Variants in KRAS observed in about 807,000 individuals in gnomAD.
KRAS encodes KRas proto-oncogene, GTPase, also known as GTPase KRas.
Under a neutral mutation model 21.0 loss-of-function variants are expected in KRAS, and 1 was observed. The observed-to-expected ratio is 0.05, with a 90% CI of 0.02 to 0.23. The LOEUF is 0.23. KRAS is among the 10% of genes least tolerant of loss of function. The pLI is 1.00. For synonymous variants in KRAS, 67 were observed against 72.5 expected, an observed-to-expected ratio of 0.92 and a Z score of 0.39; for missense variants, 107 against 221.8, an observed-to-expected ratio of 0.48 and a Z score of 3.29.
chr12:25,248,292 A>G (rs968964768), intron 1 of KRAS, among the ~76,000 whole-genome samples: 4 of 152,114 alleles, frequency 2.6e-5, no homozygotes, highest in Admixed American at 6.5e-5. Flanking sequence ...GAAATCCCGT[A>G]TCTAAAAATA....
intron 2 of KRAS, among the ~76,000 whole-genome samples, chr12:25,229,526 G>A (rs1022222074): frequency 6.6e-6 from 1 of 152,174 alleles, no homozygotes. Flanking sequence ...AAAGAAGGGA[G>A]TGGGTAACTT....
chr12:25,214,297 A>C (rs1951230315), intron 4 of KRAS, among the ~76,000 whole-genome samples: 1 of 152,224 alleles, frequency 6.6e-6, no homozygotes, highest in African/African-American at 2.4e-5. Context: ...TTTAGATATA[A>C]GACCAAAAAA....
chr12:25,225,682 T>G lies in KRAS; in HGVS notation c.382A>C (p.Lys128Gln). The G allele has an allele frequency of 1.2e-6, 2 of 1,613,406 alleles. No homozygotes were observed. Among genetic ancestry groups the G allele is most frequent in the Non-Finnish European group, 1.7e-6 (2 of 1,179,566 alleles). Residue 128 changes from lysine to glutamine, a missense_variant, in exon 4 of 5, where the codon AAA (lysine) becomes CAA (glutamine). Around this residue, in one of 2 missense-constraint regions of KRAS, gnomAD observed 65 missense variants for 82.3 expected, o/e 0.79. Transcript: ENST00000311936. ...CTTCTTGCTAAGTCCTGAGCCTGTT[T>G]TGTGTCTACTGTTCTAGAAGGCAAA... ...CDLPSRTVDT[K>Q]QAQDLARSYG... is the part of the protein sequence containing the mutation.
At chr12:25,234,233 C>T (rs1951515082) in intron 2 of KRAS, 1 of 173,946 alleles carries the variant, frequency 5.7e-6, no homozygotes, top group African/African-American at 2.4e-5. Context: ...AAACAATACA[C>T]ACAGAGATTT....
chr12:25,215,598 A>G, intron 4 of KRAS: 2 of 1,542,072 alleles, frequency 1.3e-6, no homozygotes, highest in Non-Finnish European at 1.8e-6. Context: ...AGTCTGTTGC[A>G]TTGGTAAGAG....
intron 2 of KRAS, 130 bp from the exon 3 acceptor site, chr12:25,227,542 G>C (rs1211143071): frequency 1.3e-6 from 1 of 753,956 alleles, no homozygotes; most frequent in Admixed American, 2.3e-5. Flanking sequence ...CATTGTTCCT[G>C]CTCCAAAGAT....
chr12:25,225,830 A>G (rs2141506771), intron 3 of KRAS, 57 bp from the exon 4 acceptor site: 1 of 1,509,566 alleles, frequency 6.6e-7, no homozygotes, highest in South Asian at 1.1e-5. Context: ...ATCTTTCAAA[A>G]CCTGTCCACA....
chr12:25,206,162 C>T lies in KRAS; in HGVS notation c.*3633G>A, dbSNP rs1252748856. 1 of 215,878 alleles carries T rather than the reference C, an allele frequency of 4.6e-6. No individual in the cohort carries two copies. The highest frequency in any genetic ancestry group is 5.8e-5 in the Admixed American group (1 of 17,164). 13.4% of individuals were successfully genotyped at this position (215,878 alleles called of 1,614,324 possible). A position where few individuals can be genotyped will look rare whatever the true frequency, so the allele number is the denominator to read the frequency against. On this transcript the variant is annotated 3_prime_UTR_variant, in exon 5 of 5. Coordinates refer to ENST00000311936, the MANE Select transcript of KRAS (RefSeq NM_004985.5). ...TGAGATGAACTTGTGCAAACTGTAA[C>T]TTAACATGCCCCACAAAGTTTCTAT...
At chr12:25,236,074 C>G (rs1951541918) in intron 2 of KRAS, among the ~76,000 whole-genome samples, 1 of 151,984 alleles carries the variant, frequency 6.6e-6, no homozygotes, top group Admixed American at 6.6e-5. Flanking sequence ...AGTCCGCAGT[C>G]CAGGGTTTGG....
Position 25,205,496 on chromosome 12 carries a change from G to A in KRAS, c.*4299C>T, listed in dbSNP as rs1429294720. 1 of 216,190 alleles carries A rather than the reference G, an allele frequency of 4.6e-6. No homozygotes were observed. Among genetic ancestry groups the A allele is most frequent in the Non-Finnish European group, 9.3e-6 (1 of 107,154 alleles). The allele number at this position is 216,190 out of a possible 1,614,324, so 13.4% of individuals were successfully genotyped here. On this transcript the variant is annotated 3_prime_UTR_variant, in exon 5 of 5. Coordinates refer to ENST00000311936, the MANE Select transcript of KRAS (RefSeq NM_004985.5). ...AAAGAAAGCACAATGTACAAAATGT[G>A]CATGTTTCAGTTTACACTATACAAA...
chr12:25,239,129 G>A lies in KRAS; in HGVS notation c.111+6145C>T, dbSNP rs138630744. On this transcript the variant is annotated intron_variant, in intron 2 of 4. Transcript: ENST00000311936. Reference sequence around the variant, plus strand: ...TTTGAACTTGCATCACATTCATGAAGTAAGTGTCTTTTTATATGTTCATGT... The same window carrying A: ...TTTGAACTTGCATCACATTCATGAAATAAGTGTCTTTTTATATGTTCATGT... Among the ~76,000 whole-genome samples, 425 of 152,254 alleles carry A rather than the reference G, an allele frequency of 2.8e-3. 5 individuals are homozygous for A. Among genetic ancestry groups the A allele is most frequent in the South Asian group, 0.01 (50 of 4,806 alleles).
intron 2 of KRAS, among the ~76,000 whole-genome samples, chr12:25,230,774 T>C (rs1003358400): frequency 6.7e-6 from 1 of 148,192 alleles, no homozygotes; most frequent in African/African-American, 2.4e-5. Context: ...CATATGGTAT[T>C]TTCCAAACCA....
chr12:25,221,760 T>TA (rs765167259), intron 4 of KRAS, among the ~76,000 whole-genome samples: 18 of 152,166 alleles, frequency 1.2e-4, no homozygotes, highest in Non-Finnish European at 2.6e-4. Context: ...TTTGGGTGTT[T>TA]ACGTGTTTTA....
rs144787938 is a variant in KRAS at position 25,210,094 on chromosome 12, T to C, written c.451-183A>G. 7.2e-5 allele frequency among the ~76,000 whole-genome samples: 11 copies of C among 152,284 alleles called. No individual in the cohort carries two copies. In the East Asian group the frequency reaches 1.9e-3, roughly 27 times the overall value. On this transcript the variant is annotated intron_variant, in intron 4 of 4. Transcript: ENST00000311936. ...CTTAAATGTCATCCGCATAGGTGTT[T>C]TGTCAATATTATAAACAGGAACACT...
At chr12:25,234,705 C>A (rs566547414) in intron 2 of KRAS, 1 of 188,614 alleles carries the variant, frequency 5.3e-6, no homozygotes, top group East Asian at 8.6e-5. Flanking sequence ...AAAGCTAACT[C>A]ATTCAAGATA....
intron 1 of KRAS, among the ~76,000 whole-genome samples, chr12:25,249,905 C>T (rs140968694): frequency 1.1e-3 from 171 of 152,298 alleles, no homozygotes; most frequent in African/African-American, 3.8e-3. Context: ...GGGTTTTCTT[C>T]GGGTTTAACT....
chr12:25,243,283 T>C (rs1951634074), intron 2 of KRAS, among the ~76,000 whole-genome samples: 1 of 152,188 alleles, frequency 6.6e-6, no homozygotes. Flanking sequence ...AGAGACTCAC[T>C]GTAACTTGGG....
At chr12:25,216,924 A>G (rs1039474559) in intron 4 of KRAS, among the ~76,000 whole-genome samples, 3 of 152,214 alleles carry the variant, frequency 2.0e-5, no homozygotes, top group African/African-American at 7.2e-5. Flanking sequence ...TCTAACAGAA[A>G]GGTGAATATT....
intron 2 of KRAS, 116 bp downstream of exon 2, chr12:25,245,158 T>G (rs949660695): frequency 8.7e-7 from 1 of 1,143,570 alleles, no homozygotes; most frequent in African/African-American, 1.7e-5. Flanking sequence ...TTCAGATAAC[T>G]TAACTTTCAG....
Sources: allele counts gnomAD v4.1 joint callset (sites outside exome capture counted in the v4.1 genomes callset), GRCh38; gene constraint gnomAD v4.1.1; regional missense constraint gnomAD v4.1.1; transcripts MANE v1.5; gene names NCBI Gene and HGNC (gene_info 2026-07-23, HGNC 2026-07-21).